SLCO1B3: variants seen among roughly 807,000 people sequenced by gnomAD.
SLCO1B3 encodes solute carrier organic anion transporter family member 1B3.
SLCO1B3 carries 72 observed loss-of-function variants against 71.8 expected under a neutral mutation model. The ratio of observed to expected loss-of-function variants is 1.00; its 90% CI spans 0.83 to 1.22. SLCO1B3 has a LOEUF of 1.22. Among genes scored for constraint, SLCO1B3 ranks in the 50% most tolerant of loss-of-function variants. The pLI is 0.00. For synonymous variants in SLCO1B3, 298 were observed against 278.4 expected, an observed-to-expected ratio of 1.07 and a Z score of -0.70; for missense variants, 911 against 819.7, an observed-to-expected ratio of 1.11 and a Z score of -1.36.
chr12:20,908,632 A>C, intron 15 of SLCO1B3, among the ~76,000 whole-genome samples: 1 of 152,210 alleles, frequency 6.6e-6, no homozygotes, highest in East Asian at 1.9e-4. Context: ...AGTTGGAATT[A>C]TACATTTTGT....
chr12:20,886,927 G>A (rs533408477), intron 13 of SLCO1B3, among the ~76,000 whole-genome samples: 10 of 151,980 alleles, frequency 6.6e-5, no homozygotes, highest in African/African-American at 1.9e-4. Flanking sequence ...AAGTCCTTGT[G>A]TGCCCATTGT....
intron 15 of SLCO1B3, among the ~76,000 whole-genome samples, chr12:20,914,703 C>T (rs1866458374): frequency 6.6e-6 from 1 of 152,112 alleles, no homozygotes; most frequent in Non-Finnish European, 1.5e-5. Context: ...AGTCTACTGG[C>T]AAAACAGTCC....
chr12:20,826,597 C>A (rs910221024), intron 3 of SLCO1B3, among the ~76,000 whole-genome samples: 9 of 151,150 alleles, frequency 6.0e-5, no homozygotes, highest in African/African-American at 2.2e-4. Context: ...AACCTTATTA[C>A]AATTTATACA....
At chr12:20,888,757 AT>A (rs1865842183) in intron 13 of SLCO1B3, among the ~76,000 whole-genome samples, 1 of 152,038 alleles carries the variant, frequency 6.6e-6, no homozygotes, top group South Asian at 2.1e-4. Context: ...GGGCATCCTC[AT>A]CTTGGGTCCA....
At chr12:20,884,474 C>T (rs1180950683) in intron 13 of SLCO1B3, among the ~76,000 whole-genome samples, 1 of 151,948 alleles carries the variant, frequency 6.6e-6, no homozygotes, top group East Asian at 1.9e-4. Flanking sequence ...GTGCTGTTTC[C>T]TTAAGACAGG....
intron 8 of SLCO1B3, among the ~76,000 whole-genome samples, chr12:20,869,552 C>T (rs1055213708): frequency 2.6e-5 from 4 of 152,096 alleles, no homozygotes; most frequent in Non-Finnish European, 4.4e-5. Flanking sequence ...TCTCTTGCCT[C>T]GGCACCTGGG....
At chr12:20,896,047 C>T (rs1286912443) in intron 13 of SLCO1B3, among the ~76,000 whole-genome samples, 1 of 152,210 alleles carries the variant, frequency 6.6e-6, no homozygotes, top group Non-Finnish European at 1.5e-5. Flanking sequence ...AGCTGGGATG[C>T]AGGGCACCAA....
intron 3 of SLCO1B3, chr12:20,845,232 T>C (rs4509820): frequency 0.81 from 355,593 of 439,306 alleles, 148,054 homozygotes; most frequent in South Asian, 0.92. Flanking sequence ...TGGTCTTGTA[T>C]GATTCTACCA....
intron 3 of SLCO1B3, among the ~76,000 whole-genome samples, chr12:20,847,355 C>G (rs1307661703): frequency 6.6e-6 from 1 of 152,092 alleles, no homozygotes; most frequent in Non-Finnish European, 1.5e-5. Context: ...GTAAATAGAT[C>G]ATGAGAGAGG....
chr12:20,854,401 A>C (rs763631832), intron 3 of SLCO1B3, among the ~76,000 whole-genome samples: 3 of 152,054 alleles, frequency 2.0e-5, no homozygotes, highest in Admixed American at 6.6e-5. Flanking sequence ...AGATCTATTT[A>C]TAATTGTTGG....
At chr12:20,873,823 A>G (rs1865525219) in intron 8 of SLCO1B3, among the ~76,000 whole-genome samples, 1 of 151,978 alleles carries the variant, frequency 6.6e-6, no homozygotes, top group African/African-American at 2.4e-5. Context: ...ATGTCTTCTC[A>G]GTGTTCAGCT....
At chr12:20,873,173 G>A (rs976031227) in intron 8 of SLCO1B3, among the ~76,000 whole-genome samples, 5 of 152,172 alleles carry the variant, frequency 3.3e-5, no homozygotes. Flanking sequence ...CCATGTGCTA[G>A]TTTAAATCAT....
At chr12:20,833,126 A>G (rs947126034) in intron 3 of SLCO1B3, among the ~76,000 whole-genome samples, 2 of 152,100 alleles carry the variant, frequency 1.3e-5, no homozygotes, top group Non-Finnish European at 2.9e-5. Flanking sequence ...TCCGTGTTCA[A>G]AGCTAGTGAA....
intron 12 of SLCO1B3, among the ~76,000 whole-genome samples, chr12:20,881,689 T>C (rs1865696744): frequency 6.6e-6 from 1 of 152,138 alleles, no homozygotes; most frequent in African/African-American, 2.4e-5. Flanking sequence ...TTTTTTTCCA[T>C]GTGACACATA....
chr12:20,862,072 G>A (rs1865277559), intron 6 of SLCO1B3, among the ~76,000 whole-genome samples: 1 of 152,084 alleles, frequency 6.6e-6, no homozygotes, highest in Admixed American at 6.6e-5. Flanking sequence ...GGGAAATTGT[G>A]ACAATATAGT....
chr12:20,886,333 A>G (rs527956730), intron 13 of SLCO1B3, among the ~76,000 whole-genome samples: 1 of 152,222 alleles, frequency 6.6e-6, no homozygotes, highest in South Asian at 2.1e-4. Context: ...ACACAAATCT[A>G]GAGTTGGCAA....
At chr12:20,825,098 T>C (rs1423678486) in intron 3 of SLCO1B3, among the ~76,000 whole-genome samples, 1 of 152,222 alleles carries the variant, frequency 6.6e-6, no homozygotes, top group Non-Finnish European at 1.5e-5. Flanking sequence ...TTAATCATTT[T>C]GACCATAAGC....
intron 13 of SLCO1B3, among the ~76,000 whole-genome samples, chr12:20,892,702 A>AG (rs1865927962): frequency 6.6e-6 from 1 of 152,190 alleles, no homozygotes; most frequent in African/African-American, 2.4e-5. Flanking sequence ...AGGAGGAAGA[A>AG]AAGAAAGAGT....
At chr12:20,865,259 G>A (rs1565594450) in intron 8 of SLCO1B3, among the ~76,000 whole-genome samples, 1 of 152,106 alleles carries the variant, frequency 6.6e-6, no homozygotes, top group Non-Finnish European at 1.5e-5. Context: ...ATTTCCTGAA[G>A]TCTGCCTGAG....
Sources: allele counts gnomAD v4.1 joint callset (sites outside exome capture counted in the v4.1 genomes callset), GRCh38; gene constraint gnomAD v4.1.1; transcripts MANE v1.5; gene names NCBI Gene and HGNC (gene_info 2026-07-23, HGNC 2026-07-21).